CCDC126: variants seen among roughly 807,000 people sequenced by gnomAD.
CCDC126 encodes coiled-coil domain containing 126, also known as coiled-coil domain-containing protein 126.
Under a neutral mutation model 11.7 loss-of-function variants are expected in CCDC126, and 5 were observed. The observed-to-expected ratio is 0.43, with a 90% CI of 0.22 to 0.90. The LOEUF (loss-of-function observed/expected upper bound fraction) is 0.90. CCDC126 is among the 40% of genes least tolerant of loss of function. The probability of loss-of-function intolerance (pLI) is 0.27; values close to 1 mark genes in which losing one functional copy is unlikely to be tolerated. For synonymous variants in CCDC126, 60 were observed against 61.9 expected, an observed-to-expected ratio of 0.97 and a Z score of 0.14; for missense variants, 150 against 163.1, an observed-to-expected ratio of 0.92 and a Z score of 0.44.
At chr7:23,631,461 G>A (rs140389705) in intron 3 of CCDC126, among the ~76,000 whole-genome samples, 10 of 152,172 alleles carry the variant, frequency 6.6e-5, no homozygotes, top group African/African-American at 2.4e-4. Context: ...AATTTGAATA[G>A]CCCTATTACT....
At chr7:23,630,905 G>A (rs1437181786) in intron 3 of CCDC126, among the ~76,000 whole-genome samples, 2 of 151,816 alleles carry the variant, frequency 1.3e-5, no homozygotes, top group Admixed American at 6.6e-5. Context: ...TTGGAAACTG[G>A]ACAACATACT....
chr7:23,604,586 T>TA (rs1782591094), intron 2 of CCDC126, among the ~76,000 whole-genome samples: 3 of 152,216 alleles, frequency 2.0e-5, no homozygotes, highest in Admixed American at 2.0e-4. Flanking sequence ...GTATGTCAGT[T>TA]ATTCTTTACC....
chr7:23,610,117 A>AT (rs965403476), intron 2 of CCDC126, among the ~76,000 whole-genome samples: 55 of 152,206 alleles, frequency 3.6e-4, no homozygotes, highest in African/African-American at 1.3e-3. Context: ...TAACCTTTTA[A>AT]TTTTTTCTTA....
chr7:23,633,880 A>G (rs866269499), intron 3 of CCDC126, among the ~76,000 whole-genome samples: 1 of 152,156 alleles, frequency 6.6e-6, no homozygotes, highest in South Asian at 2.1e-4. Context: ...AAAAAAGAAA[A>G]GAAGTGATTT....
chr7:23,619,716 T>A (rs1331357066), intron 3 of CCDC126, among the ~76,000 whole-genome samples: 15 of 143,990 alleles, frequency 1.0e-4, no homozygotes, highest in African/African-American at 3.6e-4. Flanking sequence ...TATCTCCTAA[T>A]GCTATCCCTC....
At chr7:23,599,296 C>G (rs1217115474) in intron 2 of CCDC126, among the ~76,000 whole-genome samples, 1 of 152,138 alleles carries the variant, frequency 6.6e-6, no homozygotes, top group African/African-American at 2.4e-5. Context: ...TTCATGACTT[C>G]TCCTTCAGCT....
At chr7:23,618,961 G>A (rs1782842319) in intron 3 of CCDC126, among the ~76,000 whole-genome samples, 1 of 152,130 alleles carries the variant, frequency 6.6e-6, no homozygotes, top group Non-Finnish European at 1.5e-5. Context: ...CCCTGGAGAA[G>A]CACTTCCTGT....
intron 3 of CCDC126, among the ~76,000 whole-genome samples, chr7:23,629,012 A>T (rs1282543458): frequency 6.6e-6 from 1 of 152,194 alleles, no homozygotes; most frequent in African/African-American, 2.4e-5. Flanking sequence ...AGAGAAAACC[A>T]CCTAAAACAG....
chr7:23,630,000 C>G (rs1034867055), intron 3 of CCDC126, among the ~76,000 whole-genome samples: 3 of 152,116 alleles, frequency 2.0e-5, no homozygotes, highest in Non-Finnish European at 4.4e-5. Context: ...GGGATAAACC[C>G]ATGCTAAGAA....
chr7:23,610,454 T>TA, intron 2 of CCDC126, among the ~76,000 whole-genome samples: 1 of 152,340 alleles, frequency 6.6e-6, no homozygotes, highest in South Asian at 2.1e-4. Context: ...GCTCTAGGGA[T>TA]ACTCCCACCT....
chr7:23,635,465 C>T (rs1241897800), intron 3 of CCDC126, among the ~76,000 whole-genome samples: 1 of 152,170 alleles, frequency 6.6e-6, no homozygotes. Flanking sequence ...GATGTCATCT[C>T]ATGACATGTA....
At chr7:23,627,530 G>T (rs1418127560) in intron 3 of CCDC126, among the ~76,000 whole-genome samples, 1 of 150,940 alleles carries the variant, frequency 6.6e-6, no homozygotes, top group African/African-American at 2.4e-5. Context: ...TCGCACCACT[G>T]CACTCCAGCC....
At chr7:23,618,230 G>A (rs927274920) in intron 3 of CCDC126, among the ~76,000 whole-genome samples, 9 of 152,202 alleles carry the variant, frequency 5.9e-5, no homozygotes, top group African/African-American at 2.2e-4. Context: ...ATGTAGGCAT[G>A]ATTGAATCAT....
chr7:23,642,067 A>G (rs1014628615), intron 3 of CCDC126, among the ~76,000 whole-genome samples: 3 of 152,180 alleles, frequency 2.0e-5, no homozygotes, highest in Non-Finnish European at 4.4e-5. Flanking sequence ...GCTGGAGTGC[A>G]GTGGCGCTAT....
chr7:23,644,354 C>T lies in CCDC126; in HGVS notation c.*1239C>T. On this transcript the variant is annotated 3_prime_UTR_variant, in exon 4 of 4. Transcript: ENST00000307471. ...TAGCAAATCTAATTGCCACATGGTG[C>T]CCTATATTTCATAGTATTTATTCTC... The T allele has an allele frequency of 6.6e-6, 1 of 152,356 alleles. No homozygotes were observed. The highest frequency in any genetic ancestry group is 1.9e-4 in the East Asian group (1 of 5,198). The allele number at this position is 152,356 out of a possible 1,614,324, so 9.4% of individuals were successfully genotyped here. A position where few individuals can be genotyped will look rare whatever the true frequency, so the allele number is the denominator to read the frequency against.
intron 3 of CCDC126, among the ~76,000 whole-genome samples, chr7:23,621,656 C>T (rs931670557): frequency 1.3e-5 from 2 of 152,124 alleles, no homozygotes; most frequent in African/African-American, 4.8e-5. Context: ...CTGTCTTGTG[C>T]CAGTTTTCAA....
intron 2 of CCDC126, among the ~76,000 whole-genome samples, chr7:23,608,511 C>T (rs188417554): frequency 5.9e-5 from 9 of 152,052 alleles, no homozygotes; most frequent in East Asian, 1.9e-4. Flanking sequence ...CATCAGCTGT[C>T]GTTAGTGTTA....
Position 23,643,178 on chromosome 7 carries a change from T to G in CCDC126, c.*63T>G. 1.4e-6 allele frequency: 2 copies of G among 1,433,388 alleles called. No homozygotes were observed. The highest frequency in any genetic ancestry group is 1.9e-6 in the Non-Finnish European group (2 of 1,044,606). 88.8% of individuals were successfully genotyped at this position (1,433,388 alleles called of 1,614,324 possible). ...GATTATATCCTATGGCAGAAAAGCT[T>G]TATAATTGCTGGCTTAGGACAGAGC... On this transcript the variant is annotated 3_prime_UTR_variant, in exon 4 of 4. Transcript: ENST00000307471.
chr7:23,638,776 G>GA (rs1402147341), intron 3 of CCDC126, among the ~76,000 whole-genome samples: 160 of 76,686 alleles, frequency 2.1e-3, no homozygotes, highest in Admixed American at 5.1e-3. Flanking sequence ...TAGTCTGCCA[G>GA]AAAAAAAATC....
Sources: gnomAD v4.1 joint callset for allele counts (sites outside exome capture counted in the v4.1 genomes callset) on GRCh38, gnomAD v4.1.1 for gene constraint, MANE v1.5 for transcripts, NCBI Gene and HGNC (gene_info 2026-07-23, HGNC 2026-07-21) for gene names.